The following RBFOX2 variants were observed in gnomAD, a reference collection of about 807,000 sequenced individuals.
RBFOX2 encodes the protein RNA binding fox-1 homolog 2.
Under a neutral mutation model 49.1 loss-of-function variants are expected in RBFOX2, and 10 were observed. That is an observed-to-expected ratio of 0.20 (90% CI 0.13 to 0.35). The LOEUF (loss-of-function observed/expected upper bound fraction) is 0.35. Ranked by LOEUF, RBFOX2 falls within the 10% of genes least tolerant of loss-of-function variation. The pLI is 1.00. For synonymous variants in RBFOX2, 183 were observed against 187.4 expected, an observed-to-expected ratio of 0.98 and a Z score of 0.19; for missense variants, 323 against 486.9, an observed-to-expected ratio of 0.66 and a Z score of 3.17.
At chr22:35,881,326 A>T (rs569293473) in intron 1 of RBFOX2, among the ~76,000 whole-genome samples, 1 of 152,124 alleles carries the variant, frequency 6.6e-6, no homozygotes, top group South Asian at 2.1e-4. Context: ...CTATAATCTC[A>T]GCACTTTGGG....
intron 1 of RBFOX2, among the ~76,000 whole-genome samples, chr22:35,960,399 G>T (rs1207738786): frequency 6.6e-6 from 1 of 152,110 alleles, no homozygotes; most frequent in Non-Finnish European, 1.5e-5. Context: ...GAACCAACCC[G>T]ATTTCAAAGA....
At chr22:35,832,630 C>T (rs1410410575) in intron 1 of RBFOX2, among the ~76,000 whole-genome samples, 2 of 152,028 alleles carry the variant, frequency 1.3e-5, no homozygotes, top group African/African-American at 2.4e-5. Flanking sequence ...GTCAGAATTT[C>T]GAGAGCAGCC....
At chr22:35,768,457 C>G in intron 4 of RBFOX2, 108 bp from the exon 6 acceptor site, 2 of 929,122 alleles carry the variant, frequency 2.2e-6, no homozygotes, top group Non-Finnish European at 3.3e-6. Flanking sequence ...ACATCAGCAA[C>G]AACTCAGCAA....
chr22:35,818,076 G>C lies in RBFOX2; in HGVS notation c.28-8072C>G, dbSNP rs558685259. On this transcript the variant is annotated intron_variant, in intron 1 of 11. Transcript: ENST00000405409. ...TCTCACAGCAATGAATATTTAAACA[G>C]GAAAATAAATATTTCAGAACAAAGT... 2.9e-3 allele frequency among the ~76,000 whole-genome samples: 444 copies of C among 152,088 alleles called. 1 individual carries two copies. Among genetic ancestry groups the C allele is most frequent in the African/African-American group, 0.01 (420 of 41,490 alleles).
chr22:35,778,637 T>C (rs564807746), intron 3 of RBFOX2, among the ~76,000 whole-genome samples: 1 of 151,980 alleles, frequency 6.6e-6, no homozygotes, highest in South Asian at 2.1e-4. Context: ...ATTCTATAAT[T>C]TGCTTTAAAA....
chr22:35,794,754 A>G (rs1446477073), intron 2 of RBFOX2, among the ~76,000 whole-genome samples: 11 of 152,178 alleles, frequency 7.2e-5, no homozygotes, highest in Admixed American at 7.2e-4. Flanking sequence ...TGAAAAATGT[A>G]AACAGGTTAA....
At chr22:35,953,317 C>A (rs2055169890) in intron 1 of RBFOX2, among the ~76,000 whole-genome samples, 1 of 150,416 alleles carries the variant, frequency 6.6e-6, no homozygotes, top group African/African-American at 2.4e-5. Flanking sequence ...GAATATCATT[C>A]AGTTATAAAA....
At chr22:35,983,964 T>G (rs577855721) in intron 1 of RBFOX2, among the ~76,000 whole-genome samples, 68 of 152,306 alleles carry the variant, frequency 4.5e-4, no homozygotes, top group Admixed American at 7.8e-4. Context: ...CTAAAAATCA[T>G]ACATTTCTAA....
intron 1 of RBFOX2, among the ~76,000 whole-genome samples, chr22:35,823,862 A>G (rs1955055373): frequency 6.6e-6 from 1 of 152,342 alleles, no homozygotes; most frequent in South Asian, 2.1e-4. Flanking sequence ...TCAAAACTAA[A>G]TATGTGGCCG....
intron 1 of RBFOX2, among the ~76,000 whole-genome samples, chr22:35,811,779 C>T (rs1291949351): frequency 6.6e-6 from 1 of 151,964 alleles, no homozygotes; most frequent in African/African-American, 2.4e-5. Flanking sequence ...GCCTGGCCAA[C>T]ACAAAGAGAC....
chr22:35,824,698 C>T (rs969813982), intron 1 of RBFOX2, among the ~76,000 whole-genome samples: 1 of 152,124 alleles, frequency 6.6e-6, no homozygotes, highest in Non-Finnish European at 1.5e-5. Context: ...ACAAAAGAAC[C>T]AAAAACAAGC....
At chr22:36,005,453 G>A (rs1465946108) in intron 1 of RBFOX2, among the ~76,000 whole-genome samples, 1 of 152,178 alleles carries the variant, frequency 6.6e-6, no homozygotes, top group Non-Finnish European at 1.5e-5. Context: ...AACACTGACG[G>A]CAATGCCACA....
chr22:35,786,611 G>C (rs191894275), intron 2 of RBFOX2, among the ~76,000 whole-genome samples: 66 of 152,310 alleles, frequency 4.3e-4, no homozygotes, highest in East Asian at 2.7e-3. Flanking sequence ...GCCTCCCAAA[G>C]TGCTGGGATT....
intron 1 of RBFOX2, among the ~76,000 whole-genome samples, chr22:35,867,686 T>C (rs2043850116): frequency 6.6e-6 from 1 of 152,198 alleles, no homozygotes; most frequent in Non-Finnish European, 1.5e-5. Context: ...AAATTAGCAT[T>C]CTTTGAAAAC....
intron 1 of RBFOX2, among the ~76,000 whole-genome samples, chr22:35,945,038 T>C (rs754826186): frequency 1.1e-4 from 17 of 151,922 alleles, no homozygotes; most frequent in Non-Finnish European, 2.1e-4. Flanking sequence ...ATAATGAAAA[T>C]GGAACAAAAA....
chr22:35,793,925 T>C (rs1036813295), intron 2 of RBFOX2, among the ~76,000 whole-genome samples: 11 of 152,214 alleles, frequency 7.2e-5, no homozygotes, highest in African/African-American at 2.4e-4. Context: ...CATTTGTATA[T>C]GTAACATGAT....
chr22:35,795,240 T>C (rs1010789262), intron 2 of RBFOX2, among the ~76,000 whole-genome samples: 1 of 152,096 alleles, frequency 6.6e-6, no homozygotes, highest in African/African-American at 2.4e-5. Context: ...CTGCCTTTTA[T>C]TACTTTGAGG....
rs202054769 is a variant in RBFOX2 at position 35,987,056 on chromosome 22, T to TCA, written c.186+41183_186+41184insTG. ...TCATGTATCTTTATGATAGGTTTGG[T>TCA]GTTTTATCTTCCATTTTTGTTTTTT... On this transcript the variant is annotated intron_variant, in intron 1 of 13. Transcript: ENST00000438146. Among the ~76,000 whole-genome samples, 103 of 152,258 alleles carry TCA rather than the reference T, an allele frequency of 6.8e-4. 1 individual carries two copies. In the East Asian group the frequency reaches 0.018, roughly 27 times the overall value.
intron 1 of RBFOX2, among the ~76,000 whole-genome samples, chr22:35,956,596 A>G (rs1459847354): frequency 1.3e-5 from 2 of 152,028 alleles, no homozygotes; most frequent in Non-Finnish European, 2.9e-5. Flanking sequence ...TCCTGACCTC[A>G]TGATCCCCCG....
Sources: gnomAD v4.1 joint callset for allele counts (sites outside exome capture counted in the v4.1 genomes callset) on GRCh38, gnomAD v4.1.1 for gene constraint, MANE v1.5 for transcripts, NCBI Gene and HGNC (gene_info 2026-07-23, HGNC 2026-07-21) for gene names.